CEP104: variants seen among roughly 807,000 people sequenced by gnomAD.
The protein encoded by CEP104 is centrosomal protein 104.
In CEP104, 84 loss-of-function variants were observed where a neutral mutation model predicts 113.3. The ratio of observed to expected loss-of-function variants is 0.74; its 90% CI spans 0.62 to 0.89. CEP104 has a LOEUF of 0.89. Ranked by LOEUF, CEP104 falls within the 40% of genes least tolerant of loss-of-function variation. CEP104 has a pLI of 0.00. For missense variants in CEP104, 1,053 were observed against 1,156.6 expected, an observed-to-expected ratio of 0.91 and a Z score of 1.30; for synonymous variants, 378 against 421.7, an observed-to-expected ratio of 0.90 and a Z score of 1.27.
chr1:3,836,201 G>T (rs1644306695), intron 10 of CEP104, among the ~76,000 whole-genome samples: 1 of 151,750 alleles, frequency 6.6e-6, no homozygotes, highest in African/African-American at 2.4e-5. Context: ...AGCTACTCAG[G>T]AGGCTGAGGT....
chr1:3,853,301 C>T (rs774787423), intron 1 of CEP104, among the ~76,000 whole-genome samples: 2 of 152,034 alleles, frequency 1.3e-5, no homozygotes, highest in African/African-American at 2.4e-5. Context: ...ACTCACAGGA[C>T]ATTGAGCCCA....
intron 12 of CEP104, among the ~76,000 whole-genome samples, chr1:3,832,808 G>A (rs1372778948): frequency 1.3e-5 from 2 of 152,046 alleles, no homozygotes; most frequent in Non-Finnish European, 2.9e-5. Context: ...GGCCTTCCAA[G>A]TAGCTGGGAC....
At chr1:3,816,477 TC>T (rs1423457828) in intron 20 of CEP104, 107 bp from the exon 21 acceptor site, 3 of 843,352 alleles carry the variant, frequency 3.6e-6, no homozygotes, top group Admixed American at 2.8e-5. Context: ...GGGCGGCCGC[TC>T]CAGCAAGAGC....
chr1:3,839,914 G>A, intron 6 of CEP104, 138 bp from the exon 7 acceptor site: 1 of 705,104 alleles, frequency 1.4e-6, no homozygotes. Context: ...GAGAAAACGG[G>A]TCTCAGAGAA....
intron 20 of CEP104, among the ~76,000 whole-genome samples, chr1:3,817,963 A>G (rs960355510): frequency 3.1e-4 from 47 of 152,342 alleles, no homozygotes; most frequent in African/African-American, 1.1e-3. Flanking sequence ...ATTCTCAATC[A>G]GTCTCCGGCT....
intron 9 of CEP104, 95 bp from the exon 10 acceptor site, chr1:3,836,787 A>T: frequency 1.0e-6 from 1 of 1,002,970 alleles, no homozygotes; most frequent in Non-Finnish European, 1.5e-6. Flanking sequence ...GCGCTTACTT[A>T]CCTGATCTGA....
At chr1:3,830,941 T>C (rs1644193923) in intron 13 of CEP104, 105 bp downstream of exon 13, 6 of 1,195,350 alleles carry the variant, frequency 5.0e-6, no homozygotes, top group Non-Finnish European at 6.9e-6. Context: ...CTGAAATCAC[T>C]GCCTCAGTCA....
In CEP104 at chr1:3,815,371, C is replaced by T. The variant is rs757390694; in HGVS notation, c.*31G>A. On this transcript the variant is annotated 3_prime_UTR_variant, in exon 22 of 22. Coordinates refer to ENST00000378230, the MANE Select transcript of CEP104 (RefSeq NM_014704.4). ...TAGAATCAGGAGACCCGCTCCATCC[C>T]TCACAGAGACCAAGGAGCCCGAGCG... 5.2e-5 allele frequency: 78 copies of T among 1,510,878 alleles called. 2 individuals are homozygous for T. In the Admixed American group the frequency reaches 1.2e-3, roughly 23 times the overall value. 93.6% of individuals were successfully genotyped at this position (1,510,878 alleles called of 1,614,324 possible). A position where few individuals can be genotyped will look rare whatever the true frequency, so the allele number is the denominator to read the frequency against.
intron 4 of CEP104, 38 bp from the exon 5 acceptor site, chr1:3,845,389 T>C (rs767145287): frequency 1.1e-5 from 16 of 1,392,492 alleles, no homozygotes; most frequent in Admixed American, 1.8e-5. Context: ...AAATATACAA[T>C]GTTTGAAATG....
intron 20 of CEP104, among the ~76,000 whole-genome samples, chr1:3,817,216 C>G (rs912701534): frequency 5.3e-5 from 8 of 152,290 alleles, no homozygotes; most frequent in African/African-American, 1.9e-4. Context: ...GTGTCCCCAA[C>G]AGCTAATCCC....
Position 3,815,393 on chromosome 1 carries a change from A to G in CEP104, c.*9T>C. 1 of 1,594,504 alleles carries G rather than the reference A, an allele frequency of 6.3e-7. No homozygotes were observed. The highest frequency in any genetic ancestry group is 8.6e-7 in the Non-Finnish European group (1 of 1,168,096). On this transcript the variant is annotated 3_prime_UTR_variant, in exon 22 of 22. Transcript: ENST00000378230. ...TCCCTCACAGAGACCAAGGAGCCCG[A>G]GCGCCGCGTCAGCGCTTGGCGTACG...
chr1:3,854,686 T>C (rs1338215381), intron 1 of CEP104, among the ~76,000 whole-genome samples: 2 of 150,058 alleles, frequency 1.3e-5, no homozygotes, highest in East Asian at 2.0e-4. Context: ...GGTTTTGCCA[T>C]GTTGGCCAGG....
At chr1:3,817,519 C>T (rs1226211336) in intron 20 of CEP104, among the ~76,000 whole-genome samples, 2 of 152,134 alleles carry the variant, frequency 1.3e-5, no homozygotes, top group African/African-American at 2.4e-5. Flanking sequence ...CTTGCAGCCC[C>T]AGCCCAGCCC....
chr1:3,855,693 C>G (rs1340380537), intron 1 of CEP104, among the ~76,000 whole-genome samples: 1 of 152,170 alleles, frequency 6.6e-6, no homozygotes, highest in Non-Finnish European at 1.5e-5. Flanking sequence ...TAGTCTACCC[C>G]CTCCCAAAGA....
At chr1:3,833,832 C>T (rs771121961) in intron 12 of CEP104, 30 bp downstream of exon 12, 20 of 1,607,966 alleles carry the variant, frequency 1.2e-5, no homozygotes, top group African/African-American at 4.0e-5. Flanking sequence ...TTATCATCTA[C>T]GGTTTCAAAT....
intron 21 of CEP104, chr1:3,816,059 G>A (rs1231514328): frequency 2.8e-5 from 14 of 508,744 alleles, no homozygotes; most frequent in South Asian, 8.2e-5. Flanking sequence ...TGGAGCCTTC[G>A]CACTGCACAG....
In CEP104 at chr1:3,833,925, A is replaced by G; in HGVS notation, c.1596T>C (p.Val532=). Reference sequence around the variant, plus strand: ...AAGAATCTCCAGTTCTGGTGAGCAAAACGGGAATGGTCCTCTCCACACAGT... The same window carrying G: ...AAGAATCTCCAGTTCTGGTGAGCAAGACGGGAATGGTCCTCTCCACACAGT... ...TAHCVERTIP[V]LLTRTGDSSA... The change falls in exon 12 of 22, where the codon GTT becomes GTC. Residue 532 remains valine, a synonymous_variant. Coordinates refer to ENST00000378230, the MANE Select transcript of CEP104 (RefSeq NM_014704.4). 1 of 1,614,224 alleles carries G rather than the reference A, an allele frequency of 6.2e-7. No homozygotes were observed. Among genetic ancestry groups the G allele is most frequent in the Non-Finnish European group, 8.5e-7 (1 of 1,180,034 alleles).
chr1:3,817,380 G>A (rs988887676), intron 20 of CEP104, among the ~76,000 whole-genome samples: 5 of 152,078 alleles, frequency 3.3e-5, no homozygotes, highest in Admixed American at 2.6e-4. Context: ...TGCTCCAGCC[G>A]CTCTCCCATT....
intron 3 of CEP104, chr1:3,847,852 T>C (rs1022974851): frequency 1.8e-5 from 9 of 499,024 alleles, no homozygotes; most frequent in Non-Finnish European, 2.5e-5. Flanking sequence ...TTGTTGTTGT[T>C]GAGATGGAGT....
Sources: gnomAD v4.1 joint callset for allele counts (sites outside exome capture counted in the v4.1 genomes callset) on GRCh38, gnomAD v4.1.1 for gene constraint, MANE v1.5 for transcripts, NCBI Gene and HGNC (gene_info 2026-07-23, HGNC 2026-07-21) for gene names.